The following PHTF1 variants were observed in gnomAD, a reference collection of about 807,000 sequenced individuals.
The protein encoded by PHTF1 is putative homeodomain transcription factor 1.
Under a neutral mutation model 102.4 loss-of-function variants are expected in PHTF1, and 88 were observed. The ratio of observed to expected loss-of-function variants is 0.86; its 90% CI spans 0.72 to 1.03. The LOEUF is 1.03. Ranked by LOEUF, PHTF1 falls within the 50% of genes least tolerant of loss-of-function variation. The pLI, the probability that PHTF1 is intolerant of heterozygous loss-of-function variation, is 0.00. For missense variants in PHTF1, 814 were observed against 909.5 expected (o/e 0.89, Z 1.35); for synonymous variants, 289 against 305.2 (o/e 0.95, Z 0.55).
intron 3 of PHTF1, chr1:113,747,057 T>C (rs1475038989): frequency 2.6e-5 from 4 of 152,246 alleles, no homozygotes; most frequent in African/African-American, 9.6e-5. Flanking sequence ...CATAAGATTA[T>C]CATGAGGATC....
intron 15 of PHTF1, among the ~76,000 whole-genome samples, chr1:113,703,421 C>A (rs1649660407): frequency 6.6e-6 from 1 of 152,198 alleles, no homozygotes; most frequent in African/African-American, 2.4e-5. Flanking sequence ...AAAAAGCAGA[C>A]CCTGTCAAAA....
At chr1:113,754,956 T>C (rs1344772959) in intron 3 of PHTF1, among the ~76,000 whole-genome samples, 1 of 152,154 alleles carries the variant, frequency 6.6e-6, no homozygotes, top group Admixed American at 6.5e-5. Flanking sequence ...TGTTAATATT[T>C]TTCTCTTGTG....
chr1:113,755,894 A>G (rs1049568096), intron 3 of PHTF1, among the ~76,000 whole-genome samples: 4 of 122,310 alleles, frequency 3.3e-5, no homozygotes, highest in African/African-American at 1.1e-4. Flanking sequence ...CCCCGTCTCT[A>G]CTAAAAAAAA....
intron 2 of PHTF1, among the ~76,000 whole-genome samples, chr1:113,758,012 C>T (rs527929220): frequency 1.3e-5 from 2 of 152,188 alleles, no homozygotes; most frequent in East Asian, 3.9e-4. Flanking sequence ...ATTTCCACTT[C>T]TTGGGCGGGC....
chr1:113,754,330 G>A (rs1217391030), intron 3 of PHTF1, among the ~76,000 whole-genome samples: 1 of 151,740 alleles, frequency 6.6e-6, no homozygotes, highest in Non-Finnish European at 1.5e-5. Context: ...AGAATCACTT[G>A]AGCCCAGGAG....
intron 3 of PHTF1, among the ~76,000 whole-genome samples, chr1:113,739,468 C>T (rs755055349): frequency 6.6e-6 from 1 of 152,090 alleles, no homozygotes; most frequent in African/African-American, 2.4e-5. Flanking sequence ...TTAATTGACA[C>T]GTTATAATTG....
intron 13 of PHTF1, 108 bp downstream of exon 13, chr1:113,705,782 T>C: frequency 3.9e-6 from 3 of 760,842 alleles, no homozygotes; most frequent in Non-Finnish European, 6.5e-6. Context: ...ATCAATCCTT[T>C]ATTGCCCACA....
intron 3 of PHTF1, chr1:113,747,032 T>C (rs1657349618): frequency 6.6e-6 from 1 of 152,408 alleles, no homozygotes; most frequent in South Asian, 2.1e-4. Flanking sequence ...AAAGGGAAGA[T>C]AATAGCACAT....
chr1:113,732,009 T>C (rs974846796), intron 5 of PHTF1, among the ~76,000 whole-genome samples: 4 of 151,638 alleles, frequency 2.6e-5, no homozygotes, highest in Non-Finnish European at 5.9e-5. Context: ...CTGTCCATCC[T>C]CCAAAAATAT....
intron 6 of PHTF1, 87 bp downstream of exon 6, chr1:113,726,331 G>A: frequency 9.9e-7 from 1 of 1,013,808 alleles, no homozygotes; most frequent in Non-Finnish European, 1.5e-6. Context: ...ACAAAAGAGG[G>A]AGATTTTAAA....
At chr1:113,727,397 C>T (rs1417211387) in intron 5 of PHTF1, among the ~76,000 whole-genome samples, 8 of 152,092 alleles carry the variant, frequency 5.3e-5, no homozygotes, top group Non-Finnish European at 1.2e-4. Flanking sequence ...AAACTAGTAC[C>T]TGGAGCACAG....
chr1:113,710,810 ATT>A (rs71590573), intron 10 of PHTF1, among the ~76,000 whole-genome samples: 659 of 122,650 alleles, frequency 5.4e-3, no homozygotes, highest in Non-Finnish European at 6.2e-3. Flanking sequence ...ATATATATAT[ATT>A]TTTTTTTTTT....
Position 113,735,334 on chromosome 1 carries a change from C to G in PHTF1, c.331+2776G>C, listed in dbSNP as rs951119948. ...TGAGCCAAGACCACACCACTATACT[C>G]TAGCCTGGACAACAGAATGAGACTC... On this transcript the variant is annotated intron_variant, in intron 5 of 18. Transcript: ENST00000369604. 3.5e-5 allele frequency among the ~76,000 whole-genome samples: 4 copies of G among 115,470 alleles called. No homozygotes were observed. The South Asian group carries it at 8.8e-4, about 25-fold the overall frequency. The allele number at this position is 115,470 out of a possible 152,430, so 75.8% of individuals were successfully genotyped here. A position where few individuals can be genotyped will look rare whatever the true frequency, so the allele number is the denominator to read the frequency against.
chr1:113,758,246 A>G (rs1307090158), intron 2 of PHTF1, among the ~76,000 whole-genome samples: 1 of 151,674 alleles, frequency 6.6e-6, no homozygotes, highest in East Asian at 1.9e-4. Context: ...AAAAAAAAAA[A>G]AAAAAAAAAT....
At chr1:113,749,322 C>T (rs1437943045) in intron 3 of PHTF1, among the ~76,000 whole-genome samples, 8 of 152,164 alleles carry the variant, frequency 5.3e-5, no homozygotes, top group South Asian at 2.1e-4. Flanking sequence ...GTGTGCAATG[C>T]GTGAAGCATT....
chr1:113,750,788 G>A (rs1458964186), intron 3 of PHTF1, among the ~76,000 whole-genome samples: 2 of 151,574 alleles, frequency 1.3e-5, no homozygotes, highest in African/African-American at 4.9e-5. Flanking sequence ...CCTGGGAGGC[G>A]GAAGTTGCTG....
rs1650236114 is a variant in PHTF1, at chr1:113,706,650, C to T, written c.1342G>A (p.Glu448Lys). ...ACAGACATATCCATCTTTTTGCACT[C>T]ATTCCCCTCCCAGATTATTGCACTA... ...RVSAIIWEGN[E>K]CKKMDMSVLE... Residue 448 changes from glutamate to lysine, a missense_variant, in exon 12 of 19, where the codon GAG becomes AAG. By Grantham distance (56) the Glu-to-Lys change is moderately conservative. Transcript: ENST00000369604. 1.2e-6 allele frequency: 2 copies of T among 1,611,012 alleles called. No homozygotes were observed. Among genetic ancestry groups the T allele is most frequent in the South Asian group, 2.2e-5 (2 of 90,822 alleles).
intron 2 of PHTF1, 128 bp downstream of exon 2, chr1:113,758,528 TTTC>T: frequency 4.6e-6 from 2 of 436,574 alleles, no homozygotes; most frequent in East Asian, 7.5e-5. Flanking sequence ...TTTTTTTTTT[TTTC>T]ATTTATGTTG....
chr1:113,758,577 G>C (rs1004387359), intron 2 of PHTF1, 82 bp downstream of exon 2: 1 of 764,922 alleles, frequency 1.3e-6, no homozygotes, highest in East Asian at 3.1e-5. Context: ...CTAAACTCGG[G>C]GGAAAGTAAC....
Sources: allele counts gnomAD v4.1 joint callset (sites outside exome capture counted in the v4.1 genomes callset), GRCh38; gene constraint gnomAD v4.1.1; transcripts MANE v1.5; gene names NCBI Gene and HGNC (gene_info 2026-07-23, HGNC 2026-07-21).